Variants in SYNE1 observed in about 807,000 individuals in gnomAD.
SYNE1 encodes nesprin-1.
Under a neutral mutation model 1,111.0 loss-of-function variants are expected in SYNE1, and 616 were observed. The ratio of observed to expected loss-of-function variants is 0.55; its 90% CI spans 0.52 to 0.59. The LOEUF is 0.59. Ranked by LOEUF, SYNE1 falls within the 20% of genes least tolerant of loss-of-function variation. The pLI is 0.00. For missense variants in SYNE1, 10,006 were observed against 10,417.0 expected, an observed-to-expected ratio of 0.96 and a Z score of 1.72; for synonymous variants, 3,855 against 3,825.8, an observed-to-expected ratio of 1.01 and a Z score of -0.28.
intron 91 of SYNE1, 99 bp from the exon 92 acceptor site, chr6:152,302,162 A>G (rs1158016119): frequency 6.5e-7 from 1 of 1,547,096 alleles, no homozygotes; most frequent in African/African-American, 1.4e-5. Flanking sequence ...ATGAGCGCGC[A>G]GAGCCGCGCG....
chr6:152,496,137 A>G (rs749903826), intron 11 of SYNE1, among the ~76,000 whole-genome samples: 6 of 152,086 alleles, frequency 3.9e-5, no homozygotes, highest in Non-Finnish European at 7.4e-5. Flanking sequence ...CCAAAATTCA[A>G]TTTGCAAATA....
At chr6:152,482,934 T>C in intron 14 of SYNE1, 151 bp downstream of exon 14, 8 of 902,574 alleles carry the variant, frequency 8.9e-6, no homozygotes, top group Non-Finnish European at 1.5e-5. Flanking sequence ...AAAGAAACAA[T>C]CAAATTAGAG....
intron 3 of SYNE1, among the ~76,000 whole-genome samples, chr6:152,566,361 C>T (rs1349929775): frequency 6.6e-6 from 1 of 151,618 alleles, no homozygotes; most frequent in African/African-American, 2.4e-5. Context: ...GTGTCAAGGG[C>T]AATGTTGTTT....
intron 64 of SYNE1, among the ~76,000 whole-genome samples, chr6:152,361,357 G>C (rs1026657299): frequency 6.6e-6 from 1 of 152,192 alleles, no homozygotes; most frequent in African/African-American, 2.4e-5. Context: ...CCTCAGGCAG[G>C]AAGTGAGACA....
chr6:152,509,248 C>CTTTTTT (rs11305679), intron 8 of SYNE1, among the ~76,000 whole-genome samples: 73 of 75,708 alleles, frequency 9.6e-4, no homozygotes, highest in African/African-American at 1.8e-3. Flanking sequence ...TTTTCTTTTT[C>CTTTTTT]TTTTTTTTTT....
intron 3 of SYNE1, among the ~76,000 whole-genome samples, chr6:152,566,985 CTGTGTGTGTGTGTGTGTGTG>C (rs59526151): frequency 6.8e-6 from 1 of 146,552 alleles, no homozygotes. Context: ...TCTTCACATA[CTGTGTGTGTGTGTGTGTGTG>C]TGTGTGTGTG....
chr6:152,218,859 A>G, intron 120 of SYNE1, 144 bp downstream of exon 120: 1 of 887,914 alleles, frequency 1.1e-6, no homozygotes, highest in Admixed American at 2.0e-5. Flanking sequence ...CGTCCCCACC[A>G]GAACTTCCAA....
Position 152,225,834 on chromosome 6 carries a change from T to C in SYNE1, c.21238A>G (p.Lys7080Glu). 1 of 1,613,974 alleles carries C rather than the reference T, an allele frequency of 6.2e-7. No individual in the cohort carries two copies. The highest frequency in any genetic ancestry group is 8.5e-7 in the Non-Finnish European group (1 of 1,179,964). The change falls in exon 116 of 146, where the codon AAA (lysine) becomes GAA (glutamate). Residue 7080 changes from lysine to glutamate, a missense_variant. Transcript: ENST00000367255. Reference sequence around the variant, plus strand: ...AAAGCAAGTCCATTCTGCTCAATTTTCTCTACTTCTTTTTCTTTTGCTTTA... The same window carrying C: ...AAAGCAAGTCCATTCTGCTCAATTTCCTCTACTTCTTTTTCTTTTGCTTTA... ...LIKAKEKEVE[K>E]IEQNGLALIQ... is the part of the protein sequence containing the mutation.
At chr6:152,296,378 T>C (rs1332766997) in intron 93 of SYNE1, among the ~76,000 whole-genome samples, 2 of 152,244 alleles carry the variant, frequency 1.3e-5, no homozygotes, top group Non-Finnish European at 2.9e-5. Flanking sequence ...GCATATCCTG[T>C]AGGCTCTTCA....
At chr6:152,353,025 G>T (rs1289392216) in intron 69 of SYNE1, among the ~76,000 whole-genome samples, 1 of 152,190 alleles carries the variant, frequency 6.6e-6, no homozygotes, top group South Asian at 2.1e-4. Context: ...CTGGAATTCA[G>T]TGAAGACTTT....
In SYNE1 at chr6:152,369,528, T is replaced by G; in HGVS notation, c.9594A>C (p.Glu3198Asp). 6.2e-7 allele frequency: 1 copy of G among 1,614,184 alleles called. No homozygotes were observed. Among genetic ancestry groups the G allele is most frequent in the Non-Finnish European group, 8.5e-7 (1 of 1,180,042 alleles). The change falls in exon 60 of 146, where the codon GAA becomes GAC. Residue 3198 changes from glutamate to aspartate, a missense_variant. Glu to Asp is a conservative substitution (Grantham distance 45). Coordinates refer to ENST00000367255, the MANE Select transcript of SYNE1 (RefSeq NM_182961.4). ...WLSKTEKMVH[E>D]SSNRLYDLPA... ...GCAGATCATAGAGGCGATTGCTGCT[T>G]TCATGGACCATCTTCTCAGTTTTAC...
Position 152,317,046 on chromosome 6 carries a change from A to G in SYNE1, c.16573-60T>C, listed in dbSNP as rs546912616. On this transcript the variant is annotated intron_variant, in intron 86 of 145. Coordinates refer to ENST00000367255, the MANE Select transcript of SYNE1 (RefSeq NM_182961.4). ...AACTCCTCAGTTTCTTGAGCTATAA[A>G]TCAGTCTTCTCTCTCTTTGGACACA... 7 of 1,596,604 alleles carry G rather than the reference A, an allele frequency of 4.4e-6. No homozygotes were observed. The South Asian group carries it at 6.6e-5, about 15-fold the overall frequency.
At chr6:152,426,089 T>TA (rs2098348589) in intron 38 of SYNE1, among the ~76,000 whole-genome samples, 1 of 152,186 alleles carries the variant, frequency 6.6e-6, no homozygotes, top group Non-Finnish European at 1.5e-5. Context: ...TCCTTCATTT[T>TA]AAAAATGTAA....
chr6:152,468,801 G>A (rs1489978041), intron 16 of SYNE1, among the ~76,000 whole-genome samples: 1 of 151,750 alleles, frequency 6.6e-6, no homozygotes, highest in Non-Finnish European at 1.5e-5. Flanking sequence ...TTTGAAATAG[G>A]GTCTCACTCT....
At chr6:152,188,987 ATATATATATATATATATAT>A (rs2071348508) in intron 128 of SYNE1, among the ~76,000 whole-genome samples, 41 of 41,850 alleles carry the variant, frequency 9.8e-4, no homozygotes, top group African/African-American at 5.1e-3. Context: ...AAAAAAAAAT[ATATATATATATATATATAT>A]ATATATATAT....
At position 152,145,633 on chromosome 6, in the gene SYNE1, T is replaced by C; in HGVS notation, c.24977-1868A>G. ...CCCTTGTGCAGGAAAATAACTTTCC[T>C]AGGGGAAAAAAAGGAAGTCAGTTAT... On this transcript the variant is annotated intron_variant, in intron 137 of 145. Coordinates refer to ENST00000367255, the MANE Select transcript of SYNE1 (RefSeq NM_182961.4). The C allele has an allele frequency of 2.2e-6, 3 of 1,357,122 alleles. No homozygotes were observed. The South Asian group carries it at 3.5e-5, about 16-fold the overall frequency. The allele number at this position is 1,357,122 out of a possible 1,614,324, so 84.1% of individuals were successfully genotyped here.
At chr6:152,226,174 T>A (rs1211760448) in intron 115 of SYNE1, among the ~76,000 whole-genome samples, 7 of 152,134 alleles carry the variant, frequency 4.6e-5, no homozygotes, top group Non-Finnish European at 1.0e-4. Context: ...AAGAAATACA[T>A]GTCAGAAACT....
intron 100 of SYNE1, among the ~76,000 whole-genome samples, chr6:152,265,641 T>A (rs944530568): frequency 6.6e-6 from 1 of 152,194 alleles, no homozygotes; most frequent in Non-Finnish European, 1.5e-5. Context: ...ATTTAATCAT[T>A]GACACACGTA....
At chr6:152,468,398 T>C (rs2098784191) in intron 16 of SYNE1, among the ~76,000 whole-genome samples, 1 of 152,190 alleles carries the variant, frequency 6.6e-6, no homozygotes, top group Non-Finnish European at 1.5e-5. Flanking sequence ...TATTAGCCTC[T>C]TTTTTCCATG....
Sources: allele counts gnomAD v4.1 joint callset (sites outside exome capture counted in the v4.1 genomes callset), GRCh38; gene constraint gnomAD v4.1.1; transcripts MANE v1.5; gene names NCBI Gene and HGNC (gene_info 2026-07-23, HGNC 2026-07-21).